The following ABCC4 variants were observed in gnomAD, a reference collection of about 807,000 sequenced individuals.
The protein encoded by ABCC4 is ATP-binding cassette sub-family C member 4.
Under a neutral mutation model 168.5 loss-of-function variants are expected in ABCC4, and 102 were observed. That is an observed-to-expected ratio of 0.61 (90% CI 0.52 to 0.71). The LOEUF (loss-of-function observed/expected upper bound fraction) is 0.71, where lower values mean the gene tolerates loss of function less well. ABCC4 is among the 30% of genes least tolerant of loss of function. The pLI, the probability that ABCC4 is intolerant of heterozygous loss-of-function variation, is 0.00. For missense variants in ABCC4, 1,402 were observed against 1,605.8 expected, an observed-to-expected ratio of 0.87 and a Z score of 2.17; for synonymous variants, 617 against 590.7, an observed-to-expected ratio of 1.04 and a Z score of -0.65.
chr13:95,258,597 C>A (rs2040450520), intron 1 of ABCC4, among the ~76,000 whole-genome samples: 1 of 152,142 alleles, frequency 6.6e-6, no homozygotes, highest in South Asian at 2.1e-4. Flanking sequence ...CCCTCTAGAA[C>A]AAAAGCTCTC....
At chr13:95,181,406 C>A (rs543100922) in intron 11 of ABCC4, among the ~76,000 whole-genome samples, 21 of 152,364 alleles carry the variant, frequency 1.4e-4, no homozygotes, top group African/African-American at 5.1e-4. Context: ...CATAGCTTAT[C>A]AACATCCTAT....
In ABCC4 at chr13:95,218,975, AAGAAAGAAAGAGTG is replaced by A. The variant is rs1317944433; in HGVS notation, c.532-8208_532-8195del. On this transcript the variant is annotated intron_variant, in intron 4 of 30. Coordinates refer to ENST00000645237, the MANE Select transcript of ABCC4 (RefSeq NM_005845.5). ...AAAGAAAGAAAGAAAGAAAGAAAGAAAGAAAGAAAGAGTGAGAAAGAAAGAAAGAGTGAGAAAGA... is the reference window on the plus strand; with the variant it reads ...AAAGAAAGAAAGAAAGAAAGAAAGAAAGAAAGAAAGAAAGAGTGAGAAAGA... Among the ~76,000 whole-genome samples the A allele has an allele frequency of 3.0e-4, 12 of 40,046 alleles. No individual in the cohort carries two copies. The South Asian group carries it at 3.3e-3, about 11-fold the overall frequency. The allele number at this position is 40,046 out of a possible 152,430, so 26.3% of individuals were successfully genotyped here.
rs536453037 is a variant in ABCC4, at chr13:95,074,409, T to C, written c.2807-85A>G. ...TGCTCAGTTGAGCTACAGAAGATTT[T>C]TACGTGGAGTAGGGCACCAAAGTTG... On this transcript the variant is annotated intron_variant, in intron 22 of 30. Coordinates refer to ENST00000645237, the MANE Select transcript of ABCC4 (RefSeq NM_005845.5). 3.1e-5 allele frequency: 34 copies of C among 1,087,510 alleles called. 2 individuals carry two copies. In the South Asian group the frequency reaches 4.9e-4, roughly 16 times the overall value. The allele number at this position is 1,087,510 out of a possible 1,614,324, so 67.4% of individuals were successfully genotyped here.
intron 4 of ABCC4, among the ~76,000 whole-genome samples, chr13:95,231,506 A>G (rs1158977676): frequency 2.6e-5 from 4 of 152,192 alleles, no homozygotes; most frequent in Non-Finnish European, 4.4e-5. Flanking sequence ...TGGGGGCCTC[A>G]GTGGAAACTG....
chr13:95,166,306 G>A lies in ABCC4; in HGVS notation c.1886C>T (p.Ser629Phe). Residue 629 changes from serine (S) to phenylalanine (F), a missense_variant, in exon 15 of 31, where the codon TCC becomes TTC. By Grantham distance (155) the Ser-to-Phe change is radical. Transcript: ENST00000645237. ...EFLKSGIDFG[S>F]LLKKDNEESE... ...TTCCTCATTATCCTTCTTTAAAAGG[G>A]AGCCAAAATCTATACCAGATTTTAG... The A allele has an allele frequency of 6.2e-7, 1 of 1,613,900 alleles. No homozygotes were observed.
intron 19 of ABCC4, among the ~76,000 whole-genome samples, chr13:95,126,760 A>AT (rs2035787325): frequency 1.3e-4 from 6 of 44,932 alleles, no homozygotes; most frequent in Non-Finnish European, 2.1e-4. Context: ...TATATTCCAA[A>AT]ATATATATAT....
chr13:95,098,379 A>C (rs2034683277), intron 20 of ABCC4, among the ~76,000 whole-genome samples: 1 of 152,132 alleles, frequency 6.6e-6, no homozygotes, highest in Admixed American at 6.5e-5. Context: ...AAATCTACCA[A>C]CTACAGAGAA....
chr13:95,120,279 C>T (rs1391906010), intron 19 of ABCC4, among the ~76,000 whole-genome samples: 4 of 152,102 alleles, frequency 2.6e-5, no homozygotes, highest in African/African-American at 4.8e-5. Context: ...TAAGAATTGG[C>T]CTTTGAGCCA....
At chr13:95,199,694 G>A (rs922463862) in intron 8 of ABCC4, among the ~76,000 whole-genome samples, 1 of 152,064 alleles carries the variant, frequency 6.6e-6, no homozygotes, top group Non-Finnish European at 1.5e-5. Flanking sequence ...CATCTTCCGG[G>A]ACTGCTTGCT....
intron 30 of ABCC4, among the ~76,000 whole-genome samples, chr13:95,023,423 G>C (rs1470837592): frequency 6.6e-6 from 1 of 152,170 alleles, no homozygotes; most frequent in Non-Finnish European, 1.5e-5. Context: ...TTACAGTGCA[G>C]GTGATGAAGG....
intron 25 of ABCC4, among the ~76,000 whole-genome samples, chr13:95,068,327 A>C (rs1381992344): frequency 6.6e-6 from 1 of 152,214 alleles, no homozygotes; most frequent in Non-Finnish European, 1.5e-5. Flanking sequence ...CCAGGACACA[A>C]ATCAAAAGCC....
At chr13:95,281,843 A>T (rs1159480655) in intron 1 of ABCC4, among the ~76,000 whole-genome samples, 1 of 152,182 alleles carries the variant, frequency 6.6e-6, no homozygotes, top group African/African-American at 2.4e-5. Flanking sequence ...ACTATGGCTC[A>T]CACCTGTAAT....
intron 27 of ABCC4, among the ~76,000 whole-genome samples, chr13:95,052,384 C>T (rs776320465): frequency 2.6e-5 from 4 of 152,142 alleles, no homozygotes; most frequent in Non-Finnish European, 5.9e-5. Context: ...CACAAATTTG[C>T]AGAACTAGAC....
rs773150164 is a variant in ABCC4, at chr13:95,074,534, G to T, written c.2807-210C>A. Among the ~76,000 whole-genome samples the T allele has an allele frequency of 2.6e-5, 4 of 152,140 alleles. 1 individual carries two copies. In the South Asian group the frequency reaches 8.3e-4, roughly 32 times the overall value. On this transcript the variant is annotated intron_variant, in intron 22 of 30. Transcript: ENST00000645237. ...CGTGGCTTTCTGTGAGGATGCATGC[G>T]AATATGAAACCCAGAAATATGATCC... is the stretch of plus-strand genomic sequence containing the variant.
chr13:95,075,434 G>C lies in ABCC4; in HGVS notation c.2804C>G (p.Ser935Ter), dbSNP rs772471219. The C allele has an allele frequency of 6.2e-7, 1 of 1,613,986 alleles. No individual in the cohort carries two copies. The highest frequency in any genetic ancestry group is 8.5e-7 in the Non-Finnish European group (1 of 1,179,990). The part of the protein sequence containing the change: ...ELFDAHQDLH[S>*]EAWFLFLTTS... ...ACCATTTCCAGAAATAGACAGACCT[G>C]AATGTAAATCCTGGTGTGCATCAAA... Residue 935 changes from serine (S) to a stop codon, truncating the protein, a stop_gained and splice_region_variant, in exon 22 of 31, where the codon TCA (serine) becomes TGA (stop). Transcript: ENST00000645237. LOFTEE classifies it high-confidence loss of function.
intron 18 of ABCC4, among the ~76,000 whole-genome samples, 155 bp from the exon 19 acceptor site, chr13:95,161,490 T>C (rs1304669545): frequency 6.6e-6 from 1 of 152,202 alleles, no homozygotes; most frequent in Non-Finnish European, 1.5e-5. Context: ...ACAAAATACA[T>C]TGACAAAGAA....
intron 19 of ABCC4, 45 bp downstream of exon 19, chr13:95,161,144 T>C (rs1196235504): frequency 4.0e-6 from 6 of 1,488,736 alleles, no homozygotes; most frequent in Non-Finnish European, 5.4e-6. Context: ...CCTAAATGTG[T>C]TGTTAACAAG....
At chr13:95,298,440 C>T (rs1021282198) in intron 1 of ABCC4, among the ~76,000 whole-genome samples, 2 of 152,184 alleles carry the variant, frequency 1.3e-5, no homozygotes, top group African/African-American at 4.8e-5. Flanking sequence ...AACCTCACCA[C>T]CCCCACCCAC....
intron 25 of ABCC4, 78 bp downstream of exon 25, chr13:95,071,583 AC>A: frequency 8.0e-7 from 1 of 1,257,120 alleles, no homozygotes; most frequent in Admixed American, 2.9e-5. Context: ...TCCCCTTCAC[AC>A]ATCCACAAGG....
Sources: gnomAD v4.1 joint callset for allele counts (sites outside exome capture counted in the v4.1 genomes callset) on GRCh38, gnomAD v4.1.1 for gene constraint, MANE v1.5 for transcripts, NCBI Gene and HGNC (gene_info 2026-07-23, HGNC 2026-07-21) for gene names.